The following SPATC1 variants were observed in gnomAD, a reference collection of about 807,000 sequenced individuals.
SPATC1 encodes the protein speriolin.
Under a neutral mutation model 36.5 loss-of-function variants are expected in SPATC1, and 35 were observed. The ratio of observed to expected loss-of-function variants is 0.96; its 90% confidence interval spans 0.73 to 1.27. SPATC1 has a LOEUF of 1.27. SPATC1 is among the 50% of genes most tolerant of loss of function. The probability of loss-of-function intolerance (pLI) is 0.00; values close to 1 mark genes in which losing one functional copy is unlikely to be tolerated. For missense variants in SPATC1, 779 were observed against 796.0 expected, an observed-to-expected ratio of 0.98 and a Z score of 0.26; for synonymous variants, 361 against 353.6, an observed-to-expected ratio of 1.02 and a Z score of -0.24.
intron 1 of SPATC1, among the ~76,000 whole-genome samples, chr8:144,026,155 C>T (rs1834672884): frequency 6.6e-6 from 1 of 152,018 alleles, no homozygotes; most frequent in Non-Finnish European, 1.5e-5. Flanking sequence ...TATGAATTTG[C>T]CCATTCTCAA....
Position 144,019,861 on chromosome 8 carries a change from C to T in SPATC1, c.211+7135C>T, listed in dbSNP as rs1834468841. On this transcript the variant is annotated intron_variant, in intron 1 of 4. Transcript: ENST00000377470. ...CCCTCCCTCACCCGAGCCCACACACCTACCTGAGGATCCTCTCCCCTCAGG... is the reference window on the plus strand; with the variant it reads ...CCCTCCCTCACCCGAGCCCACACACTTACCTGAGGATCCTCTCCCCTCAGG... 3.3e-5 allele frequency among the ~76,000 whole-genome samples: 5 copies of T among 152,110 alleles called. No homozygotes were observed. In the South Asian group the frequency reaches 1.0e-3, roughly 31 times the overall value.
chr8:144,025,049 CT>C (rs1355904937), intron 1 of SPATC1, among the ~76,000 whole-genome samples: 5 of 148,308 alleles, frequency 3.4e-5, no homozygotes, highest in African/African-American at 7.5e-5. Context: ...CCCTCTCCCC[CT>C]AGGACCATCT....
At chr8:144,042,311 A>ATATTTTTTTTT (rs1412021347) in intron 4 of SPATC1, among the ~76,000 whole-genome samples, 7 of 23,884 alleles carry the variant, frequency 2.9e-4, no homozygotes, top group Admixed American at 7.0e-4. Context: ...ATATATATAT[A>ATATTTTTTTTT]TTTTTTTTTT....
intron 4 of SPATC1, among the ~76,000 whole-genome samples, chr8:144,042,311 A>ATAT (rs1412021347): frequency 2.1e-4 from 5 of 23,884 alleles, no homozygotes; most frequent in South Asian, 3.3e-3. Flanking sequence ...ATATATATAT[A>ATAT]TTTTTTTTTT....
chr8:144,012,704 C>A lies in SPATC1; in HGVS notation c.189C>A (p.Gly63=), dbSNP rs1442685330. The A allele has an allele frequency of 1.9e-5, 29 of 1,551,518 alleles. No individual in the cohort carries two copies. The highest frequency in any genetic ancestry group is 9.8e-5 in the Admixed American group (5 of 50,978). ...FTSGLGEATA[G]LSSRQNNGVF... is the part of the protein sequence containing the mutation. ...GTGGGCTTGGTGAGGCAACAGCAGG[C>A]CTTTCCTCACGCCAGAACAATGGTA... is the stretch of plus-strand genomic sequence containing the variant. The change falls in exon 1 of 5, where the codon GGC becomes GGA. Residue 63 remains glycine, a synonymous_variant. Coordinates refer to ENST00000377470, the MANE Select transcript of SPATC1 (RefSeq NM_198572.3).
intron 1 of SPATC1, among the ~76,000 whole-genome samples, chr8:144,035,785 G>GGC (rs1401342031): frequency 1.3e-5 from 2 of 152,208 alleles, no homozygotes; most frequent in Admixed American, 6.5e-5. Flanking sequence ...TAGGACCACC[G>GGC]GCGCTCCTTA....
intron 1 of SPATC1, among the ~76,000 whole-genome samples, chr8:144,015,663 G>A (rs1306254894): frequency 6.9e-6 from 1 of 145,074 alleles, no homozygotes; most frequent in Non-Finnish European, 1.5e-5. Context: ...AATGGCTTGC[G>A]CCCGCAAGGC....
At chr8:144,040,537 T>G in intron 2 of SPATC1, 31 bp from the exon 3 acceptor site, 1 of 1,562,694 alleles carries the variant, frequency 6.4e-7, no homozygotes, top group African/African-American at 1.4e-5. Context: ...TAATCCCCCT[T>G]TTTTTATTTC....
Position 144,041,309 on chromosome 8 carries a change from T to C in SPATC1, c.1384T>C (p.Phe462Leu), listed in dbSNP as rs1835092220. The stretch of plus-strand genomic sequence containing the variant: ...GGACCGCAGGATCCTGTCCAGCATC[T>C]TCCCAGAGCGCGTACGGCTCTACGG... The part of the protein sequence containing the change: ...QLDRRILSSI[F>L]PERVRLYGFT... Residue 462 changes from phenylalanine (F) to leucine (L), a missense_variant, in exon 4 of 5, where the codon TTC (phenylalanine) becomes CTC (leucine). Physicochemically the swap from Phe to Leu is conservative, Grantham distance 22. Transcript: ENST00000377470. The C allele has an allele frequency of 6.8e-6, 11 of 1,613,186 alleles. No individual in the cohort carries two copies. Among genetic ancestry groups the C allele is most frequent in the Non-Finnish European group, 8.5e-6 (10 of 1,180,020 alleles).
chr8:144,027,269 C>T (rs1391132824), intron 1 of SPATC1, among the ~76,000 whole-genome samples: 1 of 152,166 alleles, frequency 6.6e-6, no homozygotes, highest in Non-Finnish European at 1.5e-5. Context: ...CCATCCTGCC[C>T]AGCCCATTGC....
At chr8:144,038,782 C>T (rs781871804) in intron 1 of SPATC1, among the ~76,000 whole-genome samples, 33 of 152,248 alleles carry the variant, frequency 2.2e-4, no homozygotes, top group Admixed American at 1.1e-3. Context: ...TCCAAAATGT[C>T]GTATTCATCC....
At chr8:144,039,790 T>A (rs1554755331) in intron 1 of SPATC1, 119 bp from the exon 2 acceptor site, 5 of 1,091,954 alleles carry the variant, frequency 4.6e-6, no homozygotes, top group Admixed American at 2.3e-5. Flanking sequence ...ACCAGTCAGC[T>A]CATCGGGGAC....
chr8:144,015,341 A>G (rs1365708538), intron 1 of SPATC1, among the ~76,000 whole-genome samples: 3 of 151,748 alleles, frequency 2.0e-5, no homozygotes, highest in Non-Finnish European at 4.4e-5. Context: ...GTGAGCCACC[A>G]CGCCCAGCAC....
chr8:144,013,043 T>C (rs1008632090), intron 1 of SPATC1, among the ~76,000 whole-genome samples: 1 of 152,150 alleles, frequency 6.6e-6, no homozygotes, highest in East Asian at 1.9e-4. Context: ...TATGAAATCT[T>C]CCTCCTTCCC....
At chr8:144,026,750 T>C (rs1834685316) in intron 1 of SPATC1, among the ~76,000 whole-genome samples, 1 of 152,152 alleles carries the variant, frequency 6.6e-6, no homozygotes, top group African/African-American at 2.4e-5. Flanking sequence ...TGTATATCTT[T>C]TGAGAAATAT....
At chr8:144,037,358 G>T (rs1394105796) in intron 1 of SPATC1, among the ~76,000 whole-genome samples, 2 of 151,812 alleles carry the variant, frequency 1.3e-5, no homozygotes, top group Non-Finnish European at 2.9e-5. Flanking sequence ...TGACAATGGC[G>T]GTTTTGAGGA....
At chr8:144,027,849 C>T (rs1003679161) in intron 1 of SPATC1, among the ~76,000 whole-genome samples, 10 of 151,928 alleles carry the variant, frequency 6.6e-5, no homozygotes, top group East Asian at 5.8e-4. Context: ...AAAAATTAAC[C>T]GGGCGTGGTG....
intron 1 of SPATC1, among the ~76,000 whole-genome samples, chr8:144,021,509 T>A (rs1178871478): frequency 3.0e-4 from 5 of 16,812 alleles, no homozygotes; most frequent in Admixed American, 1.1e-3. Context: ...TTCCCTCAGA[T>A]CCCTCTCCCC....
chr8:144,030,766 C>T (rs1834776911), intron 1 of SPATC1, among the ~76,000 whole-genome samples: 1 of 152,002 alleles, frequency 6.6e-6, no homozygotes, highest in Admixed American at 6.6e-5. Flanking sequence ...ATTCCTTCTC[C>T]TACTTTTTTT....
Sources: gnomAD v4.1 joint callset for allele counts (sites outside exome capture counted in the v4.1 genomes callset) on GRCh38, gnomAD v4.1.1 for gene constraint, MANE v1.5 for transcripts, NCBI Gene and HGNC (gene_info 2026-07-23, HGNC 2026-07-21) for gene names.